PAK3: variants seen among roughly 807,000 people sequenced by gnomAD.
PAK3 encodes p21 (RAC1) activated kinase 3.
Under a neutral mutation model 41.0 loss-of-function variants are expected in PAK3, and 4 were observed. The observed-to-expected ratio is 0.10, with a 90% confidence interval of 0.05 to 0.22. PAK3 has a LOEUF of 0.22. Ranked by LOEUF, PAK3 falls within the 10% of genes least tolerant of loss-of-function variation. The pLI is 1.00. For synonymous variants in PAK3, 146 were observed against 139.6 expected (o/e 1.05, Z -0.32); for missense variants, 205 against 409.9 (o/e 0.50, Z 4.32).
Position 111,149,180 on chromosome X carries a change from A to G in PAK3, c.430+1290A>G, listed in dbSNP as rs890126237. On this transcript the variant is annotated intron_variant, in intron 7 of 17. Coordinates refer to ENST00000372007, the MANE Select transcript of PAK3 (RefSeq NM_002578.5). ...GATCTCCTTTGACTCCAGGTCTCAC[A>G]TCTAGGTCACGCTGATGTAAGAGGT... Among the ~76,000 whole-genome samples the G allele has an allele frequency of 8.9e-5, 10 of 111,891 alleles. No homozygotes were observed. In the Admixed American group the frequency reaches 9.4e-4, roughly 11 times the overall value.
At chrX:111,117,145 C>A (rs1193042240) in intron 4 of PAK3, among the ~76,000 whole-genome samples, 3 of 111,840 alleles carry the variant, frequency 2.7e-5, no homozygotes, top group Non-Finnish European at 5.6e-5. Flanking sequence ...AATCACCTAG[C>A]CTTGTGTCTT....
At chrX:111,146,200 C>A (rs145253446) in intron 6 of PAK3, among the ~76,000 whole-genome samples, 1 of 111,985 alleles carries the variant, frequency 8.9e-6, no homozygotes, top group Non-Finnish European at 1.9e-5. Flanking sequence ...CCTCCAAATT[C>A]ATGTTTCTGC....
At chrX:111,045,205 G>T (rs2092485627) in intron 1 of PAK3, among the ~76,000 whole-genome samples, 2 of 112,151 alleles carry the variant, frequency 1.8e-5, no homozygotes, top group East Asian at 5.6e-4. Context: ...CAATTGGAAA[G>T]GTGCCCAAAA....
intron 1 of PAK3, among the ~76,000 whole-genome samples, chrX:111,034,198 G>C (rs991305400): frequency 9.0e-6 from 1 of 111,221 alleles, no homozygotes; most frequent in Non-Finnish European, 1.9e-5. Flanking sequence ...CTACTTGAAG[G>C]GTTAAACTAT....
chrX:111,007,619 A>G (rs766657880), intron 1 of PAK3, among the ~76,000 whole-genome samples: 13 of 111,727 alleles, frequency 1.2e-4, no homozygotes, highest in Non-Finnish European at 2.1e-4. Context: ...TTCCACTGTA[A>G]GTGGAGAACC....
intron 4 of PAK3, among the ~76,000 whole-genome samples, chrX:111,122,255 G>GA (rs747134804): frequency 0.015 from 340 of 23,187 alleles, 6 homozygotes; most frequent in East Asian, 0.025. Context: ...GACTCCATCT[G>GA]AAAAAAAAAA....
chrX:111,080,679 T>C (rs1366552717), intron 1 of PAK3, among the ~76,000 whole-genome samples: 1 of 111,219 alleles, frequency 9.0e-6, no homozygotes, highest in African/African-American at 3.3e-5. Context: ...GTATGGAGGG[T>C]CCACAAAAAG....
rs887571703 is a variant in PAK3 at position 111,188,685 on chromosome X, G to A, written c.831-3442G>A. 7.2e-5 allele frequency among the ~76,000 whole-genome samples: 8 copies of A among 111,374 alleles called. No homozygotes were observed. The East Asian group carries it at 2.3e-3, about 32-fold the overall frequency. ...CTACTGTGAAACCAATAACAACAGC[G>A]GCAACAACAAATGATGATAATAGCA... On this transcript the variant is annotated intron_variant, in intron 11 of 17. Transcript: ENST00000372007.
chrX:111,117,168 G>GC (rs1290628945), intron 4 of PAK3, among the ~76,000 whole-genome samples: 1 of 111,970 alleles, frequency 8.9e-6, no homozygotes, highest in East Asian at 2.8e-4. Flanking sequence ...AATGGGAAAA[G>GC]CCATTTGAAA....
rs1201231402 is a variant in PAK3, at chrX:111,047,767, C to T, written c.-27-75310C>T. On this transcript the variant is annotated intron_variant, in intron 1 of 14. Coordinates refer to the PAK3 transcript ENST00000425146. ...CAGGGGAATTGCATCATTCAAACTT[C>T]CCTTTTGGAAGTCACTCTGACAGCA... Among the ~76,000 whole-genome samples the T allele has an allele frequency of 2.7e-5, 3 of 111,524 alleles. No homozygotes were observed. The East Asian group carries it at 8.5e-4, about 32-fold the overall frequency.
intron 1 of PAK3, among the ~76,000 whole-genome samples, chrX:111,077,640 A>G (rs2092797498): frequency 8.9e-6 from 1 of 112,032 alleles, no homozygotes; most frequent in Non-Finnish European, 1.9e-5. Flanking sequence ...TTCACTCATA[A>G]TATACACAAA....
chrX:111,079,775 T>A (rs937982151), intron 1 of PAK3, among the ~76,000 whole-genome samples: 2 of 112,422 alleles, frequency 1.8e-5, no homozygotes, highest in Non-Finnish European at 3.8e-5. Context: ...CCATTCTAGA[T>A]GCCGTTAAGA....
chrX:111,080,717 A>G (rs180820653), intron 1 of PAK3, among the ~76,000 whole-genome samples: 2 of 111,921 alleles, frequency 1.8e-5, no homozygotes, highest in African/African-American at 6.5e-5. Context: ...ATATGATCCA[A>G]CCATCCCAGT....
At position 111,195,874 on chromosome X, in the gene PAK3, C is replaced by T. The variant is rs1234191901; in HGVS notation, c.1143C>T (p.Asn381=). Residue 381 remains asparagine (N), a synonymous_variant, in exon 15 of 18, where the codon AAC becomes AAT. Coordinates refer to ENST00000372007, the MANE Select transcript of PAK3 (RefSeq NM_002578.5). The part of the protein sequence containing the change: ...CLQALDFLHS[N]QVIHRDIKSD... ...AAGCTTTGGATTTCCTGCACTCAAA[C>T]CAGGTGATCCATAGAGATATAAAGA... 1 of 1,189,356 alleles carries T rather than the reference C, an allele frequency of 8.4e-7. No homozygotes were observed. The highest frequency in any genetic ancestry group is 1.7e-5 in the African/African-American group (1 of 57,214).
chrX:111,088,496 A>C lies in PAK3; in HGVS notation c.-27-34581A>C, dbSNP rs760794138. Among the ~76,000 whole-genome samples, 8 of 112,149 alleles carry C rather than the reference A, an allele frequency of 7.1e-5. No homozygotes were observed. In the South Asian group the frequency reaches 3.0e-3, roughly 42 times the overall value. ...CACATCAATGTGGTGAGAGTTTATT[A>C]GACATCTGTTATGTATATCATACCC... On this transcript the variant is annotated intron_variant, in intron 1 of 14. Coordinates refer to the PAK3 transcript ENST00000425146.
intron 11 of PAK3, among the ~76,000 whole-genome samples, chrX:111,181,802 T>A (rs1434553059): frequency 9.3e-6 from 1 of 107,487 alleles, no homozygotes; most frequent in African/African-American, 3.4e-5. Context: ...CTTATAGAAG[T>A]GATTCTTTGG....
At chrX:111,073,542 T>G (rs1284863261) in intron 1 of PAK3, among the ~76,000 whole-genome samples, 1 of 111,501 alleles carries the variant, frequency 9.0e-6, no homozygotes, top group African/African-American at 3.3e-5. Flanking sequence ...AACTGATGAC[T>G]AAATAAAAAC....
chrX:111,049,518 C>G (rs989565460), intron 1 of PAK3, among the ~76,000 whole-genome samples: 1 of 111,626 alleles, frequency 9.0e-6, no homozygotes, highest in Non-Finnish European at 1.9e-5. Flanking sequence ...ATACAAACAA[C>G]AATCAATAAA....
intron 8 of PAK3, among the ~76,000 whole-genome samples, chrX:111,161,495 C>T (rs1251825021): frequency 9.0e-6 from 1 of 110,699 alleles, no homozygotes. Context: ...TCAATTTTGG[C>T]TTTTGTTGTC....
Sources: allele counts gnomAD v4.1 joint callset (sites outside exome capture counted in the v4.1 genomes callset), GRCh38; gene constraint gnomAD v4.1.1; transcripts MANE v1.5; gene names NCBI Gene and HGNC (gene_info 2026-07-23, HGNC 2026-07-21).